ADAMTS18: variants seen among roughly 807,000 people sequenced by gnomAD.
ADAMTS18 encodes ADAM metallopeptidase with thrombospondin type 1 motif 18.
A neutral mutation model predicts 165.9 loss-of-function variants in ADAMTS18; 157 were observed. The observed-to-expected ratio is 0.95, with a 90% CI of 0.83 to 1.08. The LOEUF (loss-of-function observed/expected upper bound fraction) is 1.08, where lower values mean the gene tolerates loss of function less well. Ranked by LOEUF, ADAMTS18 falls within the 50% of genes least tolerant of loss-of-function variation. ADAMTS18 has a pLI of 0.00. For synonymous variants in ADAMTS18, 782 were observed against 578.2 expected (o/e 1.35, Z -5.06); for missense variants, 2,040 against 1,534.0 (o/e 1.33, Z -5.51).
intron 16 of ADAMTS18, among the ~76,000 whole-genome samples, chr16:77,319,599 C>A (rs1029643880): frequency 6.6e-6 from 1 of 152,092 alleles, no homozygotes; most frequent in African/African-American, 2.4e-5. Context: ...CGTGCCACCA[C>A]ACCTGGCTAA....
At chr16:77,410,916 C>G (rs2057454199) in intron 3 of ADAMTS18, among the ~76,000 whole-genome samples, 1 of 152,104 alleles carries the variant, frequency 6.6e-6, no homozygotes, top group African/African-American at 2.4e-5. Context: ...CACAGTGTGG[C>G]AAAAAATATA....
At chr16:77,288,644 TATCTTCAACAAACATG>T (rs1183125463) in intron 22 of ADAMTS18, among the ~76,000 whole-genome samples, 1 of 152,220 alleles carries the variant, frequency 6.6e-6, no homozygotes, top group Non-Finnish European at 1.5e-5. Context: ...GAATTTTTTA[TATCTTCAACAAACATG>T]AACATCTTTA....
chr16:77,415,172 A>C (rs564247586), intron 3 of ADAMTS18, among the ~76,000 whole-genome samples: 13 of 152,378 alleles, frequency 8.5e-5, no homozygotes, highest in African/African-American at 3.1e-4. Flanking sequence ...GTGTGTAGGC[A>C]AATTGCCCAT....
rs374253310 is a variant in ADAMTS18, at chr16:77,288,811, C to A, written c.3550+453G>T. ...ATTAAATATTCCCTTCAGACCCATG[C>A]AAACAAGATCACTAGGATAGGCTGG... On this transcript the variant is annotated intron_variant, in intron 22 of 22. Transcript: ENST00000282849. Among the ~76,000 whole-genome samples, 3 of 152,266 alleles carry A rather than the reference C, an allele frequency of 2.0e-5. No homozygotes were observed. In the East Asian group the frequency reaches 5.8e-4, roughly 29 times the overall value.
chr16:77,407,760 C>T (rs1442762978), intron 3 of ADAMTS18, among the ~76,000 whole-genome samples: 1 of 151,974 alleles, frequency 6.6e-6, no homozygotes, highest in Admixed American at 6.6e-5. Flanking sequence ...GCTAGACCTG[C>T]ATTTCCTATC....
At chr16:77,419,482 C>T (rs972071913) in intron 3 of ADAMTS18, among the ~76,000 whole-genome samples, 1 of 152,110 alleles carries the variant, frequency 6.6e-6, no homozygotes, top group Non-Finnish European at 1.5e-5. Flanking sequence ...ATATGCTAAA[C>T]CCCTCTAGCT....
At chr16:77,431,235 T>G in intron 3 of ADAMTS18, 60 bp downstream of exon 3, 1 of 1,575,974 alleles carries the variant, frequency 6.3e-7, no homozygotes, top group Non-Finnish European at 8.7e-7. Context: ...CAGACATCTG[T>G]TCATTCAAGT....
chr16:77,415,510 C>T (rs74594569), intron 3 of ADAMTS18, among the ~76,000 whole-genome samples: 1,647 of 152,154 alleles, frequency 0.011, 15 homozygotes, highest in Non-Finnish European at 0.018. Flanking sequence ...CCCCAGGTGT[C>T]CCAGAATTTG....
intron 3 of ADAMTS18, among the ~76,000 whole-genome samples, chr16:77,373,902 C>T (rs1404874256): frequency 6.6e-6 from 1 of 152,048 alleles, no homozygotes; most frequent in Non-Finnish European, 1.5e-5. Flanking sequence ...TGATGCATGC[C>T]ACTTGTTATC....
intron 3 of ADAMTS18, among the ~76,000 whole-genome samples, chr16:77,382,074 C>T (rs1334989093): frequency 6.6e-6 from 1 of 152,134 alleles, no homozygotes; most frequent in East Asian, 1.9e-4. Flanking sequence ...TTGCAACAGC[C>T]GCGCCACATC....
At chr16:77,376,575 C>T (rs1311361004) in intron 3 of ADAMTS18, among the ~76,000 whole-genome samples, 1 of 152,310 alleles carries the variant, frequency 6.6e-6, no homozygotes, top group East Asian at 1.9e-4. Context: ...ACTCTGTGTG[C>T]TGCAGGGTCA....
At chr16:77,337,759 T>C (rs1013281034) in intron 11 of ADAMTS18, among the ~76,000 whole-genome samples, 11 of 152,174 alleles carry the variant, frequency 7.2e-5, no homozygotes, top group African/African-American at 2.2e-4. Context: ...CTGTCTCCAT[T>C]TGGCCTTTTA....
intron 11 of ADAMTS18, 66 bp downstream of exon 11, chr16:77,341,638 C>T: frequency 7.6e-7 from 1 of 1,311,488 alleles, no homozygotes; most frequent in Non-Finnish European, 1.1e-6. Flanking sequence ...GGTCACAATA[C>T]AAACAGTTTG....
chr16:77,341,576 G>T, intron 11 of ADAMTS18, 128 bp downstream of exon 11: 1 of 777,768 alleles, frequency 1.3e-6, no homozygotes, highest in Non-Finnish European at 2.2e-6. Context: ...ATATAATGTT[G>T]TTAATATGAA....
At chr16:77,390,097 G>A (rs1479857764) in intron 3 of ADAMTS18, among the ~76,000 whole-genome samples, 1 of 152,156 alleles carries the variant, frequency 6.6e-6, no homozygotes, top group Non-Finnish European at 1.5e-5. Context: ...TTAAAGAGAA[G>A]AGTGGCTGTG....
chr16:77,367,733 C>A lies in ADAMTS18; in HGVS notation c.496-10G>T, dbSNP rs773534128. On this transcript the variant is annotated splice_polypyrimidine_tract_variant and intron_variant, in intron 3 of 22. Coordinates refer to ENST00000282849, the MANE Select transcript of ADAMTS18 (RefSeq NM_199355.4). Reference sequence around the variant, plus strand: ...TCCTTATTAAACCTGACTAAAAAGCCAAACACAAAGCAAACAGTCATGATT... The same window carrying A: ...TCCTTATTAAACCTGACTAAAAAGCAAAACACAAAGCAAACAGTCATGATT... 1 of 1,614,172 alleles carries A rather than the reference C, an allele frequency of 6.2e-7. No individual in the cohort carries two copies. Among genetic ancestry groups the A allele is most frequent in the Non-Finnish European group, 8.5e-7 (1 of 1,180,024 alleles).
chr16:77,344,155 G>GTATATATATA (rs150411045), intron 10 of ADAMTS18, among the ~76,000 whole-genome samples: 33 of 140,260 alleles, frequency 2.4e-4, no homozygotes, highest in Non-Finnish European at 4.0e-4. Context: ...ATGTGTGTGT[G>GTATATATATA]TATATATATA....
intron 16 of ADAMTS18, among the ~76,000 whole-genome samples, chr16:77,305,522 A>T (rs1242428424): frequency 6.6e-6 from 1 of 152,220 alleles, no homozygotes; most frequent in Non-Finnish European, 1.5e-5. Flanking sequence ...TTCTAAGCAC[A>T]ACGTCCTCTG....
chr16:77,355,611 T>G (rs1438895295), intron 9 of ADAMTS18, among the ~76,000 whole-genome samples: 1 of 152,118 alleles, frequency 6.6e-6, no homozygotes, highest in Non-Finnish European at 1.5e-5. Flanking sequence ...GATCTAAGTG[T>G]GAGTCTTCTG....
Sources: allele counts gnomAD v4.1 joint callset (sites outside exome capture counted in the v4.1 genomes callset), GRCh38; gene constraint gnomAD v4.1.1; transcripts MANE v1.5; gene names NCBI Gene and HGNC (gene_info 2026-07-23, HGNC 2026-07-21).